PPM1H: variants seen among roughly 807,000 people sequenced by gnomAD.
The protein encoded by PPM1H is protein phosphatase 1H.
In PPM1H, 27 loss-of-function variants were observed where a neutral mutation model predicts 54.9. The ratio of observed to expected loss-of-function variants is 0.49; its 90% CI spans 0.36 to 0.68. The LOEUF is 0.68. Ranked by LOEUF, PPM1H falls within the 30% of genes least tolerant of loss-of-function variation. PPM1H has a pLI of 0.00. For missense variants in PPM1H, 596 were observed against 667.8 expected, an observed-to-expected ratio of 0.89 and a Z score of 1.19; for synonymous variants, 305 against 270.8, an observed-to-expected ratio of 1.13 and a Z score of -1.24.
intron 8 of PPM1H, among the ~76,000 whole-genome samples, chr12:62,675,305 T>C (rs1289935772): frequency 6.6e-6 from 1 of 152,212 alleles, no homozygotes; most frequent in African/African-American, 2.4e-5. Context: ...CTAGCTGCTA[T>C]TGCATAAACA....
At chr12:62,830,390 G>T (rs1868338141) in intron 2 of PPM1H, among the ~76,000 whole-genome samples, 1 of 152,076 alleles carries the variant, frequency 6.6e-6, no homozygotes, top group African/African-American at 2.4e-5. Context: ...TGAGTAGCTG[G>T]GACTACAGGC....
chr12:62,779,918 A>G (rs1235475879), intron 4 of PPM1H, among the ~76,000 whole-genome samples: 1 of 152,176 alleles, frequency 6.6e-6, no homozygotes, highest in South Asian at 2.1e-4. Flanking sequence ...CATAATTCCA[A>G]TCTCTTCAGC....
At position 62,646,464 on chromosome 12, in the gene PPM1H, A is replaced by C. The variant is rs1029771476; in HGVS notation, c.*2025T>G. On this transcript the variant is annotated 3_prime_UTR_variant, in exon 10 of 10. Coordinates refer to ENST00000228705, the MANE Select transcript of PPM1H (RefSeq NM_020700.2). Reference sequence around the variant, plus strand: ...AGGGTCCTCCACGGAAGACTTGCTCAGGTTTCCTACTTACACATGACTCTG... The same window carrying C: ...AGGGTCCTCCACGGAAGACTTGCTCCGGTTTCCTACTTACACATGACTCTG... 1 of 152,244 alleles carries C rather than the reference A, an allele frequency of 6.6e-6. No homozygotes were observed. The highest frequency in any genetic ancestry group is 1.5e-5 in the Non-Finnish European group (1 of 68,068). 9.4% of individuals were successfully genotyped at this position (152,244 alleles called of 1,614,324 possible).
At chr12:62,766,522 T>G (rs1382649598) in intron 4 of PPM1H, among the ~76,000 whole-genome samples, 1 of 151,786 alleles carries the variant, frequency 6.6e-6, no homozygotes, top group East Asian at 1.9e-4. Flanking sequence ...AGGATCAGTT[T>G]ACACAACTCA....
In PPM1H at chr12:62,934,787, G is replaced by C. The variant is rs1872272961; in HGVS notation, c.-51C>G. On this transcript the variant is annotated 5_prime_UTR_variant, in exon 1 of 10. Transcript: ENST00000228705. The surrounding 1 kb of genome is among the most constrained non-coding windows in gnomAD (Gnocchi z 4.2). ...GTGCGAGCAGGAGGCGGCGGGGGCC[G>C]GGCAAGGCGCAGCGCGGGGCATGCA... 13 of 1,431,218 alleles carry C rather than the reference G, an allele frequency of 9.1e-6. No individual in the cohort carries two copies. In the South Asian group the frequency reaches 1.6e-4, roughly 17 times the overall value. 88.7% of individuals were successfully genotyped at this position (1,431,218 alleles called of 1,614,324 possible). A position where few individuals can be genotyped will look rare whatever the true frequency, so the allele number is the denominator to read the frequency against.
At chr12:62,817,441 A>G (rs561269556) in intron 2 of PPM1H, among the ~76,000 whole-genome samples, 1 of 151,774 alleles carries the variant, frequency 6.6e-6, no homozygotes, top group Non-Finnish European at 1.5e-5. Flanking sequence ...CAGTCTGGAC[A>G]ACAGAGAGAG....
chr12:62,823,659 C>A (rs1015076110), intron 2 of PPM1H, among the ~76,000 whole-genome samples: 17 of 152,188 alleles, frequency 1.1e-4, no homozygotes, highest in African/African-American at 4.1e-4. Flanking sequence ...ACATGATTAT[C>A]TCAATAGATG....
intron 1 of PPM1H, among the ~76,000 whole-genome samples, chr12:62,882,141 A>C (rs1223329119): frequency 6.6e-6 from 1 of 152,242 alleles, no homozygotes; most frequent in African/African-American, 2.4e-5. Context: ...AGATGAGGGA[A>C]TATATTAAGC....
At chr12:62,816,844 T>C (rs1463123494) in intron 2 of PPM1H, among the ~76,000 whole-genome samples, 1 of 151,762 alleles carries the variant, frequency 6.6e-6, no homozygotes, top group African/African-American at 2.4e-5. Flanking sequence ...AGAAGAAATT[T>C]CCATCTCAAC....
chr12:62,779,453 T>C (rs1338721118), intron 4 of PPM1H, among the ~76,000 whole-genome samples: 1 of 152,208 alleles, frequency 6.6e-6, no homozygotes, highest in Non-Finnish European at 1.5e-5. Context: ...CCCACTACAT[T>C]CTTCAGCGGC....
chr12:62,702,174 T>C (rs953378626), intron 6 of PPM1H, among the ~76,000 whole-genome samples: 1 of 152,202 alleles, frequency 6.6e-6, no homozygotes, highest in Non-Finnish European at 1.5e-5. Flanking sequence ...CTACTTATAT[T>C]AAAATTTCAA....
intron 4 of PPM1H, among the ~76,000 whole-genome samples, chr12:62,759,324 A>G (rs116162003): frequency 2.2e-3 from 340 of 152,298 alleles, no homozygotes; most frequent in African/African-American, 6.3e-3. Flanking sequence ...AACCAGCCCA[A>G]TGAACATCTC....
intron 1 of PPM1H, among the ~76,000 whole-genome samples, chr12:62,900,834 C>A (rs1871148480): frequency 6.6e-6 from 1 of 152,162 alleles, no homozygotes; most frequent in Admixed American, 6.5e-5. Context: ...AAGGCTATAC[C>A]CAATTGCTAT....
chr12:62,929,395 A>G (rs1872064106), intron 1 of PPM1H, among the ~76,000 whole-genome samples: 1 of 152,224 alleles, frequency 6.6e-6, no homozygotes, highest in Non-Finnish European at 1.5e-5. Context: ...TAAATTAGGC[A>G]AATCACAGAA....
rs771839014 is a variant in PPM1H, at chr12:62,934,615, T to C, written c.122A>G (p.Tyr41Cys). ...GGSDLPLRFP[Y>C]GRPEFLGLSQ... ...CAGCCCCAGGAACTCTGGCCGCCCG[T>C]AGGGGAAACGCAGGGGCAGGTCCGA... The change falls in exon 1 of 10, where the codon TAC (tyrosine) becomes TGC (cysteine). Residue 41 changes from tyrosine (Y) to cysteine (C), a missense_variant. Transcript: ENST00000228705. The surrounding 1 kb of genome is among the most constrained non-coding windows in gnomAD (Gnocchi z 4.2). 7.6e-6 allele frequency: 12 copies of C among 1,586,540 alleles called. No individual in the cohort carries two copies. The highest frequency in any genetic ancestry group is 1.1e-5 in the South Asian group (1 of 87,086).
At position 62,849,596 on chromosome 12, in the gene PPM1H, G is replaced by A. The variant is rs945483079; in HGVS notation, c.246-17317C>T. Among the ~76,000 whole-genome samples, 3 of 152,292 alleles carry A rather than the reference G, an allele frequency of 2.0e-5. 1 individual carries two copies. The highest frequency in any genetic ancestry group is 2.0e-4 in the Admixed American group (3 of 15,292). ...AAGCCAAGTGTGAGGTTTTAAGAGG[G>A]AAAGGTGCCAGGTGCTAAGAAAAGT... On this transcript the variant is annotated intron_variant, in intron 1 of 9. Coordinates refer to ENST00000228705, the MANE Select transcript of PPM1H (RefSeq NM_020700.2).
At chr12:62,771,749 C>T (rs1013724233) in intron 4 of PPM1H, among the ~76,000 whole-genome samples, 2 of 152,156 alleles carry the variant, frequency 1.3e-5, no homozygotes, top group Non-Finnish European at 2.9e-5. Context: ...CAAATGCACT[C>T]GATTCACACA....
At chr12:62,900,484 A>T (rs1015039544) in intron 1 of PPM1H, among the ~76,000 whole-genome samples, 2 of 151,684 alleles carry the variant, frequency 1.3e-5, no homozygotes, top group African/African-American at 4.8e-5. Flanking sequence ...ATGTATACAT[A>T]TGTAACAAAC....
chr12:62,771,045 GAC>G (rs71086630), intron 4 of PPM1H, among the ~76,000 whole-genome samples: 30,949 of 129,102 alleles, frequency 0.24, 3,533 homozygotes, highest in Middle Eastern at 0.3. Flanking sequence ...AAAAGAAAAA[GAC>G]ACACACACAC....
Sources: gnomAD v4.1 joint callset for allele counts (sites outside exome capture counted in the v4.1 genomes callset) on GRCh38, gnomAD v4.1.1 for gene constraint, Gnocchi (gnomAD v3.1) non-coding constraint, MANE v1.5 for transcripts, NCBI Gene and HGNC (gene_info 2026-07-23, HGNC 2026-07-21) for gene names.